LAMA2: variants seen among roughly 807,000 people sequenced by gnomAD.
LAMA2 encodes laminin subunit alpha-2.
In LAMA2, 269 loss-of-function variants were observed where a neutral mutation model predicts 364.8. That is an observed-to-expected ratio of 0.74 (90% CI 0.67 to 0.82). The LOEUF is 0.82. Among genes scored for constraint, LAMA2 ranks in the 40% least tolerant of loss-of-function variants. The probability of loss-of-function intolerance (pLI) is 0.00; values close to 1 mark genes in which losing one functional copy is unlikely to be tolerated. For missense variants in LAMA2, 3,807 were observed against 3,873.2 expected (o/e 0.98, Z 0.45); for synonymous variants, 1,379 against 1,370.6 (o/e 1.01, Z -0.14).
intron 34 of LAMA2, among the ~76,000 whole-genome samples, chr6:129,378,056 G>A (rs1778475350): frequency 6.6e-6 from 1 of 152,088 alleles, no homozygotes; most frequent in Admixed American, 6.5e-5. Flanking sequence ...ACTGTGTAAG[G>A]CATCATTTAC....
chr6:128,953,017 A>T (rs1366000239), intron 1 of LAMA2, among the ~76,000 whole-genome samples: 1 of 152,186 alleles, frequency 6.6e-6, no homozygotes, highest in Admixed American at 6.5e-5. Context: ...AGCAGTTTAA[A>T]TCGGAGGAGG....
intron 9 of LAMA2, among the ~76,000 whole-genome samples, chr6:129,168,641 G>A (rs1216255123): frequency 7.6e-5 from 11 of 144,770 alleles, no homozygotes; most frequent in South Asian, 2.3e-4. Context: ...TTGACTTGGC[G>A]ATGCGGGCTC....
chr6:129,093,957 C>T (rs1775011412), intron 3 of LAMA2, among the ~76,000 whole-genome samples: 1 of 152,080 alleles, frequency 6.6e-6, no homozygotes, highest in Non-Finnish European at 1.5e-5. Flanking sequence ...TGCTGCACAC[C>T]AGAACAGACT....
intron 40 of LAMA2, 54 bp from the exon 41 acceptor site, chr6:129,427,698 C>T (rs1781389429): frequency 7.7e-7 from 1 of 1,300,008 alleles, no homozygotes; most frequent in African/African-American, 1.5e-5. Flanking sequence ...CTGGATCCCT[C>T]CACTCCATTA....
intron 1 of LAMA2, among the ~76,000 whole-genome samples, chr6:128,997,823 T>C (rs910030661): frequency 6.6e-5 from 10 of 152,104 alleles, no homozygotes; most frequent in African/African-American, 2.4e-4. Flanking sequence ...ATACCTGTAA[T>C]GAGATGAGAA....
intron 48 of LAMA2, among the ~76,000 whole-genome samples, chr6:129,457,152 A>T (rs550843468): frequency 2.0e-5 from 3 of 152,228 alleles, no homozygotes; most frequent in African/African-American, 7.2e-5. Context: ...AATCATCCTG[A>T]GTTGAGATTA....
intron 3 of LAMA2, among the ~76,000 whole-genome samples, chr6:129,076,668 G>A (rs1469014929): frequency 1.3e-5 from 2 of 151,326 alleles, no homozygotes; most frequent in Non-Finnish European, 2.9e-5. Flanking sequence ...TAAGGAAATA[G>A]CCAATAAAAT....
chr6:129,043,247 C>A (rs769425833), intron 1 of LAMA2, among the ~76,000 whole-genome samples: 16 of 152,116 alleles, frequency 1.1e-4, no homozygotes, highest in Non-Finnish European at 1.8e-4. Flanking sequence ...TGATCTCTCA[C>A]CCACCATTTC....
chr6:129,327,404 GA>G (rs4053204), intron 28 of LAMA2, among the ~76,000 whole-genome samples: 10,826 of 148,364 alleles, frequency 0.073, 561 homozygotes, highest in Admixed American at 0.15. Flanking sequence ...ATTTTTAAGT[GA>G]AAAAAAAAAA....
chr6:129,285,783 G>A (rs1272051560), intron 18 of LAMA2, among the ~76,000 whole-genome samples: 2 of 151,920 alleles, frequency 1.3e-5, no homozygotes, highest in East Asian at 3.9e-4. Context: ...GGGATTTTGG[G>A]GGAATTTTGT....
intron 9 of LAMA2, among the ~76,000 whole-genome samples, chr6:129,175,752 G>A (rs1028840051): frequency 4.6e-5 from 7 of 152,070 alleles, no homozygotes; most frequent in African/African-American, 1.7e-4. Context: ...ATGACAGGTC[G>A]ATGGCTGCAG....
In LAMA2 at chr6:129,270,738, A is replaced by G. The variant is rs1460535360; in HGVS notation, c.2437A>G (p.Ile813Val). The change falls in exon 17 of 65, where the codon ATC (isoleucine) becomes GTC (valine). Residue 813 changes from isoleucine (I) to valine (V), a missense_variant. By Grantham distance (29) the Ile-to-Val change is conservative. Transcript: ENST00000421865. Reference sequence around the variant, plus strand: ...TCAACCCTGTGCCTGTCCACTCAATATCCCATCCAATAAGTAAGTAACAAA... The same window carrying G: ...TCAACCCTGTGCCTGTCCACTCAATGTCCCATCCAATAAGTAAGTAACAAA... ...DCQPCACPLN[I>V]PSNNFSPTCH... 3.1e-6 allele frequency: 5 copies of G among 1,613,218 alleles called. No homozygotes were observed. Among genetic ancestry groups the G allele is most frequent in the Non-Finnish European group, 4.2e-6 (5 of 1,179,474 alleles).
intron 16 of LAMA2, 74 bp downstream of exon 16, chr6:129,267,293 C>A: frequency 9.9e-7 from 1 of 1,010,646 alleles, no homozygotes; most frequent in Non-Finnish European, 1.6e-6. Flanking sequence ...AATTCAGCTA[C>A]TACCCTGGGG....
intron 12 of LAMA2, among the ~76,000 whole-genome samples, chr6:129,206,087 A>T (rs1782632492): frequency 9.1e-6 from 1 of 109,460 alleles, no homozygotes; most frequent in African/African-American, 3.8e-5. Context: ...GAAAGGAGGA[A>T]GGAAGGGAGG....
At chr6:129,460,763 T>C (rs1783210791) in intron 49 of LAMA2, among the ~76,000 whole-genome samples, 1 of 151,996 alleles carries the variant, frequency 6.6e-6, no homozygotes, top group Non-Finnish European at 1.5e-5. Flanking sequence ...ATAACAAAAT[T>C]AGAACCCCAG....
chr6:129,284,431 G>A (rs954288868), intron 18 of LAMA2, among the ~76,000 whole-genome samples: 3 of 152,050 alleles, frequency 2.0e-5, no homozygotes, highest in Non-Finnish European at 2.9e-5. Context: ...CTACTGCTAC[G>A]TTTTAAAATG....
chr6:129,509,865 C>CTAT (rs1786429399), intron 62 of LAMA2, among the ~76,000 whole-genome samples: 1 of 151,982 alleles, frequency 6.6e-6, no homozygotes, highest in African/African-American at 2.4e-5. Flanking sequence ...GGAATTTTTT[C>CTAT]TATTTCTGTG....
chr6:128,933,408 T>C (rs1348545103), intron 1 of LAMA2, among the ~76,000 whole-genome samples: 2 of 152,224 alleles, frequency 1.3e-5, no homozygotes, highest in African/African-American at 4.8e-5. Context: ...GAGATACTGA[T>C]ATCACCTTTT....
chr6:129,411,897 G>A (rs1780558085), intron 40 of LAMA2, among the ~76,000 whole-genome samples: 1 of 152,038 alleles, frequency 6.6e-6, no homozygotes, highest in African/African-American at 2.4e-5. Context: ...TAAATATGTG[G>A]AATTAAAAAC....
Sources: allele counts gnomAD v4.1 joint callset (sites outside exome capture counted in the v4.1 genomes callset), GRCh38; gene constraint gnomAD v4.1.1; transcripts MANE v1.5; gene names NCBI Gene and HGNC (gene_info 2026-07-23, HGNC 2026-07-21).